Variants in AGBL1 observed in about 807,000 individuals in gnomAD.
AGBL1 encodes AGBL carboxypeptidase 1.
AGBL1 carries 130 observed loss-of-function variants against 118.9 expected under a neutral mutation model. The ratio of observed to expected loss-of-function variants is 1.09; its 90% confidence interval spans 0.95 to 1.26. AGBL1 has a LOEUF of 1.26. Among genes scored for constraint, AGBL1 ranks in the 50% most tolerant of loss-of-function variants. The pLI, the probability that AGBL1 is intolerant of heterozygous loss-of-function variation, is 0.00. For synonymous variants in AGBL1, 555 were observed against 478.9 expected (o/e 1.16, Z -2.08); for missense variants, 1,584 against 1,298.1 (o/e 1.22, Z -3.38).
At chr15:86,606,231 G>A (rs926314404) in intron 21 of AGBL1, among the ~76,000 whole-genome samples, 2 of 151,934 alleles carry the variant, frequency 1.3e-5, no homozygotes, top group African/African-American at 4.8e-5. Flanking sequence ...TCTGAGATTT[G>A]GCTACTGTGG....
intron 1 of AGBL1, among the ~76,000 whole-genome samples, chr15:86,095,279 T>A (rs998197712): frequency 2.0e-5 from 3 of 152,180 alleles, no homozygotes; most frequent in African/African-American, 7.2e-5. Context: ...GATTGACTCA[T>A]TGGCCTTTGG....
chr15:87,027,219 A>G (rs1287303856), intron 24 of AGBL1, among the ~76,000 whole-genome samples: 1 of 152,082 alleles, frequency 6.6e-6, no homozygotes, highest in Non-Finnish European at 1.5e-5. Flanking sequence ...GGAAATCAAA[A>G]CCACAATGAG....
intron 21 of AGBL1, among the ~76,000 whole-genome samples, chr15:86,643,663 AT>A (rs1186615643): frequency 6.6e-6 from 1 of 152,062 alleles, no homozygotes; most frequent in African/African-American, 2.4e-5. Context: ...TTAGTTTGAC[AT>A]TTTTTAAATA....
At chr15:86,968,268 T>C (rs2081074212) in intron 23 of AGBL1, among the ~76,000 whole-genome samples, 1 of 151,866 alleles carries the variant, frequency 6.6e-6, no homozygotes. Flanking sequence ...GGGCCAATAG[T>C]CTCTGAGTTT....
chr15:86,548,291 G>A (rs975213098), intron 20 of AGBL1, among the ~76,000 whole-genome samples: 1 of 152,224 alleles, frequency 6.6e-6, no homozygotes, highest in Non-Finnish European at 1.5e-5. Context: ...TTTACCATTA[G>A]TATTGAAGAG....
intron 18 of AGBL1, among the ~76,000 whole-genome samples, chr15:86,493,877 C>G (rs1236853297): frequency 6.6e-6 from 1 of 152,030 alleles, no homozygotes; most frequent in Non-Finnish European, 1.5e-5. Context: ...CCCTGACTGC[C>G]CCGACTATTT....
chr15:86,548,166 A>G (rs1467191794), intron 20 of AGBL1, among the ~76,000 whole-genome samples: 1 of 152,196 alleles, frequency 6.6e-6, no homozygotes, highest in Non-Finnish European at 1.5e-5. Context: ...TGTTATCATC[A>G]TGATATCTAC....
At chr15:86,106,559 T>C (rs1897064013) in intron 1 of AGBL1, among the ~76,000 whole-genome samples, 1 of 152,240 alleles carries the variant, frequency 6.6e-6, no homozygotes, top group Non-Finnish European at 1.5e-5. Context: ...GGGATGCTAC[T>C]GACTAAACAT....
At chr15:86,197,049 T>A (rs1232632610) in intron 5 of AGBL1, among the ~76,000 whole-genome samples, 1 of 152,158 alleles carries the variant, frequency 6.6e-6, no homozygotes, top group East Asian at 1.9e-4. Flanking sequence ...ACATTTCTGT[T>A]GCTTAACCCA....
intron 21 of AGBL1, among the ~76,000 whole-genome samples, chr15:86,648,160 C>T (rs917818594): frequency 2.6e-5 from 4 of 152,118 alleles, no homozygotes; most frequent in African/African-American, 9.7e-5. Context: ...TTTTGAAGGT[C>T]TCACTCTTGC....
At chr15:86,942,148 C>A (rs1441156605) in intron 23 of AGBL1, among the ~76,000 whole-genome samples, 3 of 152,188 alleles carry the variant, frequency 2.0e-5, no homozygotes, top group Non-Finnish European at 4.4e-5. Context: ...CACAAACACA[C>A]ACATACGCAA....
At chr15:86,720,455 C>A (rs1471920873) in intron 22 of AGBL1, among the ~76,000 whole-genome samples, 1 of 152,162 alleles carries the variant, frequency 6.6e-6, no homozygotes, top group Non-Finnish European at 1.5e-5. Context: ...CTCAAGTATT[C>A]CTTCTTCTTA....
rs867021054 is a variant in AGBL1, at chr15:86,365,062, T to C, written c.2375-32304T>C. Among the ~76,000 whole-genome samples, 12 of 136,320 alleles carry C rather than the reference T, an allele frequency of 8.8e-5. No individual in the cohort carries two copies. In the South Asian group the frequency reaches 2.1e-3, roughly 24 times the overall value. 89.4% of individuals were successfully genotyped at this position (136,320 alleles called of 152,430 possible). On this transcript the variant is annotated intron_variant, in intron 17 of 22. Coordinates refer to ENST00000614907, the MANE Select transcript of AGBL1 (RefSeq NM_001386094.1). ...ATATATACACACATATATATACACA[T>C]ATATATATACACACACACATATATA...
At chr15:86,903,739 G>T (rs944853084) in intron 22 of AGBL1, among the ~76,000 whole-genome samples, 3 of 152,202 alleles carry the variant, frequency 2.0e-5, no homozygotes, top group Non-Finnish European at 4.4e-5. Context: ...CCAGTGTGGG[G>T]AGGGGCTCCT....
At chr15:86,367,725 G>A (rs1223779646) in intron 17 of AGBL1, among the ~76,000 whole-genome samples, 1 of 152,192 alleles carries the variant, frequency 6.6e-6, no homozygotes, top group Non-Finnish European at 1.5e-5. Context: ...TGTGATCTCA[G>A]AAAAAGAGGC....
chr15:86,757,195 G>T (rs1455783267), intron 22 of AGBL1, among the ~76,000 whole-genome samples: 2 of 152,026 alleles, frequency 1.3e-5, no homozygotes, highest in African/African-American at 4.8e-5. Context: ...AAAAAGCGTG[G>T]TCCTTCTTGC....
intron 6 of AGBL1, among the ~76,000 whole-genome samples, chr15:86,238,304 T>C (rs1164648300): frequency 6.6e-6 from 1 of 152,246 alleles, no homozygotes; most frequent in Non-Finnish European, 1.5e-5. Flanking sequence ...TTGTCAATAA[T>C]AGTGCCTGGA....
chr15:86,359,733 AT>A (rs1760035096), intron 17 of AGBL1, among the ~76,000 whole-genome samples: 1 of 151,796 alleles, frequency 6.6e-6, no homozygotes, highest in African/African-American at 2.4e-5. Flanking sequence ...ATATTTTGTA[AT>A]TATATGTAAT....
chr15:86,385,253 A>C (rs1050563596), intron 17 of AGBL1, among the ~76,000 whole-genome samples: 4 of 152,250 alleles, frequency 2.6e-5, no homozygotes, highest in Non-Finnish European at 5.9e-5. Context: ...TATTATTAAA[A>C]TTAATTTCAC....
Sources: gnomAD v4.1 joint callset for allele counts (sites outside exome capture counted in the v4.1 genomes callset) on GRCh38, gnomAD v4.1.1 for gene constraint, MANE v1.5 for transcripts, NCBI Gene and HGNC (gene_info 2026-07-23, HGNC 2026-07-21) for gene names.